The following ULK4 variants were observed in gnomAD, a reference collection of about 807,000 sequenced individuals.
The protein encoded by ULK4 is inactive serine/threonine-protein kinase ULK4.
ULK4 carries 133 observed loss-of-function variants against 160.6 expected under a neutral mutation model. That is an observed-to-expected ratio of 0.83 (90% CI 0.72 to 0.96). The LOEUF (loss-of-function observed/expected upper bound fraction) is 0.96. Among genes scored for constraint, ULK4 ranks in the 40% least tolerant of loss-of-function variants. The probability of loss-of-function intolerance (pLI) is 0.00; values close to 1 mark genes in which losing one functional copy is unlikely to be tolerated. For synonymous variants in ULK4, 534 were observed against 539.8 expected, an observed-to-expected ratio of 0.99 and a Z score of 0.15; for missense variants, 1,580 against 1,499.5, an observed-to-expected ratio of 1.05 and a Z score of -0.89.
chr3:41,627,388 T>G (rs2033563939), intron 30 of ULK4, among the ~76,000 whole-genome samples: 1 of 152,136 alleles, frequency 6.6e-6, no homozygotes, highest in African/African-American at 2.4e-5. Flanking sequence ...TGCTTGCAGT[T>G]TTTATCTACT....
In ULK4 at chr3:41,547,936, G is replaced by A. The variant is rs555644033; in HGVS notation, c.3226+18089C>T. ...CATGCACTCCTCAGAGACTGAGAGTGGCCTGCCTGCTGCCTGGGGATGCTG... is the reference window on the plus strand; with the variant it reads ...CATGCACTCCTCAGAGACTGAGAGTAGCCTGCCTGCTGCCTGGGGATGCTG... On this transcript the variant is annotated intron_variant, in intron 32 of 36. Transcript: ENST00000301831. 2.8e-4 allele frequency among the ~76,000 whole-genome samples: 42 copies of A among 152,282 alleles called. No individual in the cohort carries two copies. In the East Asian group the frequency reaches 6.4e-3, roughly 23 times the overall value.
At chr3:41,597,117 C>A (rs1173123674) in intron 31 of ULK4, among the ~76,000 whole-genome samples, 1 of 152,160 alleles carries the variant, frequency 6.6e-6, no homozygotes, top group African/African-American at 2.4e-5. Context: ...CTGTGAGGAC[C>A]CCTGTTTTCA....
At chr3:41,376,654 A>G (rs1330849122) in intron 35 of ULK4, among the ~76,000 whole-genome samples, 3 of 149,842 alleles carry the variant, frequency 2.0e-5, no homozygotes, top group South Asian at 2.2e-4. Flanking sequence ...ATACCTAGGA[A>G]TCCAACTTAC....
chr3:41,956,723 T>C (rs1291101993), intron 1 of ULK4, among the ~76,000 whole-genome samples: 1 of 152,254 alleles, frequency 6.6e-6, no homozygotes, highest in East Asian at 1.9e-4. Flanking sequence ...TCATGAATAC[T>C]ACTGGCTCAT....
chr3:41,864,375 TTTG>T (rs893596009), intron 17 of ULK4, among the ~76,000 whole-genome samples: 17 of 124,984 alleles, frequency 1.4e-4, no homozygotes, highest in African/African-American at 1.6e-4. Flanking sequence ...TTTGTTTTGT[TTTG>T]TTTTGTTTTG....
At chr3:41,727,247 C>A (rs766605838) in intron 22 of ULK4, among the ~76,000 whole-genome samples, 26 of 152,152 alleles carry the variant, frequency 1.7e-4, no homozygotes, top group Non-Finnish European at 1.8e-4. Context: ...AAAATGAGTT[C>A]AATGAGTACA....
At chr3:41,366,548 T>TACACACACACACAC (rs148305509) in intron 35 of ULK4, among the ~76,000 whole-genome samples, 16 of 148,788 alleles carry the variant, frequency 1.1e-4, no homozygotes, top group African/African-American at 3.9e-4. Flanking sequence ...AAAATATGGC[T>TACACACACACACAC]ACACACACAC....
At chr3:41,669,358 A>G (rs1401701171) in intron 29 of ULK4, among the ~76,000 whole-genome samples, 5 of 152,100 alleles carry the variant, frequency 3.3e-5, no homozygotes, top group African/African-American at 7.2e-5. Context: ...GGATCCCCCA[A>G]CCTCAGCCCA....
intron 18 of ULK4, among the ~76,000 whole-genome samples, chr3:41,823,159 G>A (rs1383235143): frequency 2.6e-5 from 4 of 152,196 alleles, no homozygotes; most frequent in Non-Finnish European, 5.9e-5. Context: ...CAGAGACAGG[G>A]AAAGGCTTTC....
intron 35 of ULK4, among the ~76,000 whole-genome samples, chr3:41,348,276 T>C (rs1046973117): frequency 6.8e-6 from 1 of 146,492 alleles, no homozygotes; most frequent in African/African-American, 2.6e-5. Context: ...ATTTCAAATG[T>C]GAAAGGATGA....
At chr3:41,824,564 A>G (rs1270897786) in intron 18 of ULK4, among the ~76,000 whole-genome samples, 2 of 152,172 alleles carry the variant, frequency 1.3e-5, no homozygotes, top group Non-Finnish European at 2.9e-5. Flanking sequence ...AGCCTCGCTC[A>G]TTGCTAGCAC....
intron 21 of ULK4, among the ~76,000 whole-genome samples, chr3:41,771,268 C>A (rs1430996258): frequency 6.6e-6 from 1 of 152,078 alleles, no homozygotes; most frequent in Non-Finnish European, 1.5e-5. Context: ...TAATCCAAAC[C>A]ATTTTCAATG....
intron 18 of ULK4, among the ~76,000 whole-genome samples, chr3:41,831,892 T>C (rs1415261186): frequency 1.3e-5 from 2 of 152,216 alleles, no homozygotes; most frequent in Non-Finnish European, 2.9e-5. Flanking sequence ...TTCTTTTTTA[T>C]TGCTGCATAG....
In ULK4 at chr3:41,296,691, G is replaced by A. The variant is rs1406506968; in HGVS notation, c.3679-47117C>T. 3.3e-5 allele frequency among the ~76,000 whole-genome samples: 5 copies of A among 152,294 alleles called. No individual in the cohort carries two copies. The East Asian group carries it at 9.7e-4, about 29-fold the overall frequency. ...AGCAAATGAGCAGAGGGAACTCCAG[G>A]CAGAAGCGCTCTAAGATAACAAAGG... On this transcript the variant is annotated intron_variant, in intron 35 of 36. Coordinates refer to ENST00000301831, the MANE Select transcript of ULK4 (RefSeq NM_017886.4).
intron 35 of ULK4, among the ~76,000 whole-genome samples, chr3:41,313,899 C>T (rs1464028426): frequency 6.6e-6 from 1 of 152,164 alleles, no homozygotes; most frequent in Non-Finnish European, 1.5e-5. Flanking sequence ...AAAGGTGACA[C>T]AGCTTCTGCA....
intron 21 of ULK4, among the ~76,000 whole-genome samples, chr3:41,773,758 T>A (rs561673529): frequency 6.6e-6 from 1 of 152,118 alleles, no homozygotes; most frequent in Non-Finnish European, 1.5e-5. Context: ...GAGCCGGCAT[T>A]GCCAAGTCAA....
At chr3:41,856,531 A>ATG (rs1267010590) in intron 17 of ULK4, among the ~76,000 whole-genome samples, 52 of 117,604 alleles carry the variant, frequency 4.4e-4, no homozygotes, top group Non-Finnish European at 8.1e-4. Context: ...ATATATATAT[A>ATG]TGTATGTATA....
intron 1 of ULK4, among the ~76,000 whole-genome samples, chr3:41,958,803 G>A (rs1434128214): frequency 2.0e-5 from 3 of 151,906 alleles, no homozygotes; most frequent in African/African-American, 7.3e-5. Flanking sequence ...TCTACAAAAT[G>A]TTAGCGGGTA....
intron 35 of ULK4, among the ~76,000 whole-genome samples, chr3:41,351,335 T>A (rs762273833): frequency 6.6e-6 from 1 of 152,182 alleles, no homozygotes; most frequent in Non-Finnish European, 1.5e-5. Context: ...TAATGGGGTT[T>A]CCTTATTCAC....
Sources: gnomAD v4.1 joint callset for allele counts (sites outside exome capture counted in the v4.1 genomes callset) on GRCh38, gnomAD v4.1.1 for gene constraint, MANE v1.5 for transcripts, NCBI Gene and HGNC (gene_info 2026-07-23, HGNC 2026-07-21) for gene names.